The following ARGFX variants were observed in gnomAD, a reference collection of about 807,000 sequenced individuals.
ARGFX encodes the protein arginine-fifty homeobox.
In ARGFX, 10 loss-of-function variants were observed where a neutral mutation model predicts 8.0. That is an observed-to-expected ratio of 1.25 (90% CI 0.77 to 2.12). ARGFX has a LOEUF of 2.12. Ranked by LOEUF, ARGFX falls within the 30% of genes most tolerant of loss-of-function variation. The probability of loss-of-function intolerance (pLI) is 0.00; values close to 1 mark genes in which losing one functional copy is unlikely to be tolerated. For missense variants in ARGFX, 282 were observed against 324.3 expected, an observed-to-expected ratio of 0.87 and a Z score of 1.00; for synonymous variants, 116 against 117.8, an observed-to-expected ratio of 0.98 and a Z score of 0.10.
intron 3 of ARGFX, among the ~76,000 whole-genome samples, chr3:121,580,233 C>T (rs1367700980): frequency 6.6e-6 from 1 of 151,776 alleles, no homozygotes; most frequent in Non-Finnish European, 1.5e-5. Context: ...ACCTCCGCCT[C>T]CCGTGTTCAA....
intron 2 of ARGFX, among the ~76,000 whole-genome samples, chr3:121,575,326 A>G (rs1268315137): frequency 1.3e-5 from 2 of 152,176 alleles, no homozygotes; most frequent in Non-Finnish European, 2.9e-5. Flanking sequence ...TTCAAAAAAA[A>G]AAAAAAGAAA....
At chr3:121,573,868 A>G (rs1387548988) in intron 2 of ARGFX, among the ~76,000 whole-genome samples, 237 of 150,886 alleles carry the variant, frequency 1.6e-3, no homozygotes, top group African/African-American at 5.1e-3. Flanking sequence ...AAAAAAAAAA[A>G]AAAAGGCAAA....
chr3:121,586,405 T>C lies in ARGFX; in HGVS notation c.753T>C (p.Tyr251=). The C allele has an allele frequency of 1.9e-6, 3 of 1,614,216 alleles. No individual in the cohort carries two copies. Among genetic ancestry groups the C allele is most frequent in the Non-Finnish European group, 2.5e-6 (3 of 1,180,036 alleles). Residue 251 remains tyrosine, a synonymous_variant, in exon 5 of 5, where the codon TAT becomes TAC. Transcript: ENST00000334384. ...EISSSSFHCL[Y]QYLSPTKYQV... is the part of the protein sequence containing the mutation. ...CCAGCTCTTCTTTCCACTGTCTGTA[T>C]CAGTATCTCTCACCCACAAAGTACC...
At chr3:121,571,577 T>A (rs1355832405) in intron 2 of ARGFX, among the ~76,000 whole-genome samples, 5 of 150,630 alleles carry the variant, frequency 3.3e-5, no homozygotes, top group African/African-American at 9.8e-5. Context: ...ATTATTATTA[T>A]TTTTTGAGAC....
chr3:121,569,362 C>CT (rs1193645372), intron 1 of ARGFX, among the ~76,000 whole-genome samples: 15,079 of 125,528 alleles, frequency 0.12, 1,093 homozygotes, highest in Non-Finnish European at 0.14. Flanking sequence ...AATGTGAAAA[C>CT]TTTTTTTTTT....
At position 121,586,687 on chromosome 3, in the gene ARGFX, A is replaced by G. The variant is rs2048815041; in HGVS notation, c.*87A>G. 1.7e-6 allele frequency: 2 copies of G among 1,143,060 alleles called. No individual in the cohort carries two copies. Among genetic ancestry groups the G allele is most frequent in the African/African-American group, 3.1e-5 (2 of 64,230 alleles). 70.8% of individuals were successfully genotyped at this position (1,143,060 alleles called of 1,614,324 possible). A position where few individuals can be genotyped will look rare whatever the true frequency, so the allele number is the denominator to read the frequency against. ...TGTTTTTTTCCTTTGTCTCATTTTA[A>G]CCCAACATCTGGGTCTGTGTCTCTG... On this transcript the variant is annotated 3_prime_UTR_variant, in exon 5 of 5. Coordinates refer to ENST00000334384, the MANE Select transcript of ARGFX (RefSeq NM_001012659.2).
intron 3 of ARGFX, among the ~76,000 whole-genome samples, chr3:121,579,871 G>A (rs569927079): frequency 3.3e-5 from 5 of 151,444 alleles, no homozygotes; most frequent in African/African-American, 1.2e-4. Flanking sequence ...TTACAGGCAT[G>A]AGCCACCGCA....
At position 121,586,379 on chromosome 3, in the gene ARGFX, T is replaced by G; in HGVS notation, c.727T>G (p.Ser243Ala). 1.9e-6 allele frequency: 3 copies of G among 1,614,212 alleles called. No homozygotes were observed. Among genetic ancestry groups the G allele is most frequent in the Non-Finnish European group, 2.5e-6 (3 of 1,180,026 alleles). Residue 243 changes from serine (S) to alanine (A), a missense_variant, in exon 5 of 5, where the codon TCC (serine) becomes GCC (alanine). Coordinates refer to ENST00000334384, the MANE Select transcript of ARGFX (RefSeq NM_001012659.2). ...LYNLPDENEI[S>A]SSSFHCLYQY... ...CAATCTTCCTGATGAGAATGAGATATCCAGCTCTTCTTTCCACTGTCTGTA... is the reference window on the plus strand; with the variant it reads ...CAATCTTCCTGATGAGAATGAGATAGCCAGCTCTTCTTTCCACTGTCTGTA...
intron 3 of ARGFX, among the ~76,000 whole-genome samples, chr3:121,577,360 T>C (rs2048749257): frequency 6.7e-6 from 1 of 150,182 alleles, no homozygotes; most frequent in African/African-American, 2.5e-5. Context: ...TTCAAGCGAT[T>C]CTCCTGCCTC....
In ARGFX at chr3:121,585,976, T is replaced by A. The variant is rs757074613; in HGVS notation, c.370-46T>A. 3.3e-6 allele frequency: 5 copies of A among 1,511,956 alleles called. No individual in the cohort carries two copies. The South Asian group carries it at 6.7e-5, about 20-fold the overall frequency. The allele number at this position is 1,511,956 out of a possible 1,614,324, so 93.7% of individuals were successfully genotyped here. On this transcript the variant is annotated intron_variant, in intron 4 of 4. Coordinates refer to ENST00000334384, the MANE Select transcript of ARGFX (RefSeq NM_001012659.2). Reference sequence around the variant, plus strand: ...TCACTCAGGAGAATCCTCCAATGCCTCCTCCAATAACAGACCACAATCTCC... The same window carrying A: ...TCACTCAGGAGAATCCTCCAATGCCACCTCCAATAACAGACCACAATCTCC...
rs2048832203 is a variant in ARGFX, at chr3:121,589,281, T to C, written c.*2681T>C. ...CATGGGATGAAGCTAAATCAATGCTTAGAAGGAAATTTATAGCTTCAAATA... is the reference window on the plus strand; with the variant it reads ...CATGGGATGAAGCTAAATCAATGCTCAGAAGGAAATTTATAGCTTCAAATA... On this transcript the variant is annotated 3_prime_UTR_variant, in exon 5 of 5. Coordinates refer to ENST00000334384, the MANE Select transcript of ARGFX (RefSeq NM_001012659.2). Among the ~76,000 whole-genome samples, 1 of 152,202 alleles carries C rather than the reference T, an allele frequency of 6.6e-6. No homozygotes were observed. The highest frequency in any genetic ancestry group is 6.5e-5 in the Admixed American group (1 of 15,274).
intron 2 of ARGFX, among the ~76,000 whole-genome samples, chr3:121,571,964 G>A (rs1302835885): frequency 1.3e-5 from 2 of 151,586 alleles, no homozygotes; most frequent in Non-Finnish European, 2.9e-5. Flanking sequence ...GAGTAGCTGG[G>A]ATTACAGGCA....
chr3:121,576,177 A>G (rs1370003595), intron 2 of ARGFX, among the ~76,000 whole-genome samples: 1 of 151,830 alleles, frequency 6.6e-6, no homozygotes, highest in African/African-American at 2.4e-5. Context: ...TTGACTCCCA[A>G]GGTCAAGCAG....
chr3:121,584,551 G>A (rs1354053448), intron 3 of ARGFX, among the ~76,000 whole-genome samples: 2 of 152,116 alleles, frequency 1.3e-5, no homozygotes, highest in Admixed American at 1.3e-4. Context: ...GGTTAGGTAG[G>A]GTAGAAAGAC....
intron 1 of ARGFX, among the ~76,000 whole-genome samples, chr3:121,569,094 A>C (rs669984): frequency 0.15 from 22,112 of 151,974 alleles, 1,776 homozygotes; most frequent in African/African-American, 0.21. Context: ...TCCACACACA[A>C]AAAAAAATTG....
chr3:121,576,685 T>C lies in ARGFX; in HGVS notation c.104-99T>C, dbSNP rs372499126. The stretch of plus-strand genomic sequence containing the variant: ...CATTGTTCTTTCTTTCTCTTTCTTT[T>C]TCTTTCTTTCTCTTTCTTTCTTTTT... On this transcript the variant is annotated intron_variant, in intron 2 of 4. Coordinates refer to ENST00000334384, the MANE Select transcript of ARGFX (RefSeq NM_001012659.2). 68 of 311,656 alleles carry C rather than the reference T, an allele frequency of 2.2e-4. No homozygotes were observed. The East Asian group carries it at 5.2e-3, about 24-fold the overall frequency. 19.3% of individuals were successfully genotyped at this position (311,656 alleles called of 1,614,324 possible).
rs2048838171 is a variant in ARGFX, at chr3:121,590,589, C to T, written c.*3989C>T. 6.6e-6 allele frequency among the ~76,000 whole-genome samples: 1 copy of T among 152,158 alleles called. No individual in the cohort carries two copies. The highest frequency in any genetic ancestry group is 1.5e-5 in the Non-Finnish European group (1 of 68,030). ...GTCTGAGACTGGAAGACTTCCCAGC[C>T]TTCAGAACTGTAAGAAATAAATCTC... On this transcript the variant is annotated 3_prime_UTR_variant, in exon 5 of 5. Transcript: ENST00000334384.
At chr3:121,574,739 G>A (rs193125201) in intron 2 of ARGFX, among the ~76,000 whole-genome samples, 35 of 152,248 alleles carry the variant, frequency 2.3e-4, no homozygotes, top group African/African-American at 7.9e-4. Flanking sequence ...GTGACCCAGG[G>A]GATTAGGGAC....
rs569909623 is a variant in ARGFX at position 121,590,345 on chromosome 3, C to G, written c.*3745C>G. On this transcript the variant is annotated 3_prime_UTR_variant, in exon 5 of 5. Transcript: ENST00000334384. ...CCTTTAAGGGTTACTAGGCAGAGCCCCCATGAATGGATTAATGCCATTATT... is the reference window on the plus strand; with the variant it reads ...CCTTTAAGGGTTACTAGGCAGAGCCGCCATGAATGGATTAATGCCATTATT... Among the ~76,000 whole-genome samples the G allele has an allele frequency of 1.2e-4, 19 of 152,164 alleles. No individual in the cohort carries two copies. Among genetic ancestry groups the G allele is most frequent in the Non-Finnish European group, 1.9e-4 (13 of 68,036 alleles).
Sources: gnomAD v4.1 joint callset for allele counts (sites outside exome capture counted in the v4.1 genomes callset) on GRCh38, gnomAD v4.1.1 for gene constraint, MANE v1.5 for transcripts, NCBI Gene and HGNC (gene_info 2026-07-23, HGNC 2026-07-21) for gene names.